Variants in ODF1 observed in about 807,000 individuals in gnomAD.
The protein encoded by ODF1 is outer dense fiber of sperm tails 1, also known as outer dense fiber protein 1.
In ODF1, 10 loss-of-function variants were observed where a neutral mutation model predicts 24.0. That is an observed-to-expected ratio of 0.42 (90% CI 0.26 to 0.71). ODF1 has a LOEUF of 0.71. Among genes scored for constraint, ODF1 ranks in the 30% least tolerant of loss-of-function variants. The pLI, the probability that ODF1 is intolerant of heterozygous loss-of-function variation, is 0.28. For missense variants in ODF1, 282 were observed against 307.9 expected, an observed-to-expected ratio of 0.92 and a Z score of 0.63; for synonymous variants, 118 against 121.3, an observed-to-expected ratio of 0.97 and a Z score of 0.18.
intron 1 of ODF1, among the ~76,000 whole-genome samples, chr8:102,558,692 G>A (rs1826142483): frequency 6.6e-6 from 1 of 151,872 alleles, no homozygotes. Context: ...AGTACGTATA[G>A]CATGATTTCA....
chr8:102,553,467 C>T (rs979864582), intron 1 of ODF1, among the ~76,000 whole-genome samples: 2 of 151,968 alleles, frequency 1.3e-5, no homozygotes, highest in Non-Finnish European at 2.9e-5. Context: ...GAGCTTTCAC[C>T]TGTAAATTCA....
intron 1 of ODF1, among the ~76,000 whole-genome samples, chr8:102,555,732 C>T (rs528984674): frequency 2.0e-5 from 3 of 152,278 alleles, no homozygotes; most frequent in East Asian, 1.9e-4. Flanking sequence ...ACCCAGAGGT[C>T]GGAGTATAAG....
At chr8:102,553,008 A>ATAGATAGATAGT (rs1554684407) in intron 1 of ODF1, among the ~76,000 whole-genome samples, 4,578 of 113,222 alleles carry the variant, frequency 0.04, 222 homozygotes, top group African/African-American at 0.14. Context: ...AGATAGATAG[A>ATAGATAGATAGT]TAGATAGATG....
intron 1 of ODF1, among the ~76,000 whole-genome samples, chr8:102,552,724 T>G (rs1826057430): frequency 6.6e-6 from 1 of 152,162 alleles, no homozygotes; most frequent in Non-Finnish European, 1.5e-5. Flanking sequence ...AGTCAGTTTT[T>G]TAAAAAAATT....
intron 1 of ODF1, among the ~76,000 whole-genome samples, chr8:102,558,440 C>G (rs1370129730): frequency 6.6e-6 from 1 of 151,752 alleles, no homozygotes; most frequent in Non-Finnish European, 1.5e-5. Context: ...GGCAACAGAG[C>G]GAGACCCCGT....
At chr8:102,560,178 TAAG>T (rs1224686077) in intron 1 of ODF1, among the ~76,000 whole-genome samples, 1 of 150,260 alleles carries the variant, frequency 6.7e-6, no homozygotes, top group Non-Finnish European at 1.5e-5. Flanking sequence ...GGATCAATAA[TAAG>T]AGGAGGAGCT....
chr8:102,559,201 G>A (rs916120846), intron 1 of ODF1, among the ~76,000 whole-genome samples: 2 of 151,278 alleles, frequency 1.3e-5, no homozygotes, highest in African/African-American at 4.9e-5. Context: ...GGAAACTGAG[G>A]CACCGAGAAG....
chr8:102,553,705 C>A (rs1289813984), intron 1 of ODF1, among the ~76,000 whole-genome samples: 1 of 152,190 alleles, frequency 6.6e-6, no homozygotes, highest in Non-Finnish European at 1.5e-5. Context: ...CAGACTCTAC[C>A]AATTAAAATC....
At chr8:102,558,433 A>G (rs1801835574) in intron 1 of ODF1, among the ~76,000 whole-genome samples, 1 of 152,152 alleles carries the variant, frequency 6.6e-6, no homozygotes, top group Non-Finnish European at 1.5e-5. Flanking sequence ...CAGCCTGGGC[A>G]ACAGAGCGAG....
chr8:102,556,806 A>G (rs1418343449), intron 1 of ODF1, among the ~76,000 whole-genome samples: 1 of 152,182 alleles, frequency 6.6e-6, no homozygotes, highest in Non-Finnish European at 1.5e-5. Context: ...AAAGAGAGGG[A>G]TTGAGTTTAA....
chr8:102,558,809 A>C (rs1826144565), intron 1 of ODF1, among the ~76,000 whole-genome samples: 1 of 148,706 alleles, frequency 6.7e-6, no homozygotes, highest in Non-Finnish European at 1.5e-5. Flanking sequence ...CAAACACCAA[A>C]ATGCTAAGGG....
At chr8:102,558,092 C>A (rs1343156711) in intron 1 of ODF1, among the ~76,000 whole-genome samples, 2 of 152,196 alleles carry the variant, frequency 1.3e-5, no homozygotes, top group Non-Finnish European at 2.9e-5. Context: ...GGTACCCTGG[C>A]ACACCCAGGG....
At chr8:102,557,378 G>A (rs1219475229) in intron 1 of ODF1, among the ~76,000 whole-genome samples, 1 of 152,140 alleles carries the variant, frequency 6.6e-6, no homozygotes, top group African/African-American at 2.4e-5. Context: ...CATCTTCCCT[G>A]ATAACCACTG....
intron 1 of ODF1, among the ~76,000 whole-genome samples, chr8:102,556,720 C>T (rs1003337189): frequency 7.9e-5 from 12 of 151,538 alleles, no homozygotes; most frequent in South Asian, 6.3e-4. Context: ...AACCCAAAAG[C>T]CTGGAGAAGA....
At chr8:102,558,250 G>C (rs1429472022) in intron 1 of ODF1, among the ~76,000 whole-genome samples, 2 of 152,128 alleles carry the variant, frequency 1.3e-5, no homozygotes, top group African/African-American at 4.8e-5. Context: ...AGGAGATCGA[G>C]ACCATCCTGG....
intron 1 of ODF1, among the ~76,000 whole-genome samples, chr8:102,556,350 C>A (rs77651872): frequency 0.071 from 10,810 of 152,242 alleles, 437 homozygotes; most frequent in Non-Finnish European, 0.096. Context: ...AGATTCTCAG[C>A]TCCACCCTAG....
chr8:102,559,070 AC>A (rs1377223182), intron 1 of ODF1, among the ~76,000 whole-genome samples: 4 of 150,876 alleles, frequency 2.7e-5, no homozygotes, highest in Non-Finnish European at 5.9e-5. Flanking sequence ...AAAAGAAAAG[AC>A]AAAACCTTAA....
intron 1 of ODF1, among the ~76,000 whole-genome samples, chr8:102,552,359 A>C (rs1826051867): frequency 6.6e-6 from 1 of 152,052 alleles, no homozygotes; most frequent in Admixed American, 6.6e-5. Flanking sequence ...AAGCCATTGG[A>C]AGCAGCAAAC....
intron 1 of ODF1, among the ~76,000 whole-genome samples, chr8:102,559,645 T>A (rs1291216295): frequency 6.6e-6 from 1 of 151,586 alleles, no homozygotes; most frequent in Admixed American, 6.6e-5. Context: ...TTTCTGCTAG[T>A]GCTAGCTGTC....
Sources: gnomAD v4.1 joint callset for allele counts (sites outside exome capture counted in the v4.1 genomes callset) on GRCh38, gnomAD v4.1.1 for gene constraint, MANE v1.5 for transcripts, NCBI Gene and HGNC (gene_info 2026-07-23, HGNC 2026-07-21) for gene names.